Variants in SLA2 observed in about 807,000 individuals in gnomAD.
SLA2 encodes Src like adaptor 2.
A neutral mutation model predicts 27.3 loss-of-function variants in SLA2; 22 were observed. The ratio of observed to expected loss-of-function variants is 0.81; its 90% confidence interval spans 0.58 to 1.15. SLA2 has a LOEUF of 1.15. Among genes scored for constraint, SLA2 ranks in the 50% most tolerant of loss-of-function variants. The pLI, the probability that SLA2 is intolerant of heterozygous loss-of-function variation, is 0.00. For synonymous variants in SLA2, 131 were observed against 137.8 expected (o/e 0.95, Z 0.34); for missense variants, 304 against 322.2 (o/e 0.94, Z 0.43).
intron 5 of SLA2, among the ~76,000 whole-genome samples, chr20:36,631,450 G>A (rs755876227): frequency 2.6e-4 from 39 of 152,120 alleles, no homozygotes; most frequent in Admixed American, 2.0e-4. Context: ...CACAGTGCCC[G>A]GCCTGTATTA....
chr20:36,615,272 G>A lies in SLA2; in HGVS notation c.485C>T (p.Pro162Leu), dbSNP rs752611301. The A allele has an allele frequency of 2.4e-5, 38 of 1,613,972 alleles. No homozygotes were observed. Among genetic ancestry groups the A allele is most frequent in the Non-Finnish European group, 3.0e-5 (35 of 1,180,034 alleles). The stretch of plus-strand genomic sequence containing the variant: ...CTGGAGTGAGGGGAAGGTGAGGCGC[G>A]GTGAGATGTACAGCCAGCCATTGTC... ...CLDNGWLYISPRLTFPSLQAL... is the reference protein window; with the variant it reads ...CLDNGWLYISLRLTFPSLQAL... The change falls in exon 6 of 8, where the codon CCG becomes CTG. Residue 162 changes from proline to leucine, a missense_variant. By Grantham distance (98) the Pro-to-Leu change is moderately conservative (BLOSUM62 -3). Coordinates refer to ENST00000262866, the MANE Select transcript of SLA2 (RefSeq NM_032214.4).
intron 2 of SLA2, among the ~76,000 whole-genome samples, chr20:36,640,007 T>C (rs1045146045): frequency 6.6e-6 from 1 of 152,046 alleles, no homozygotes; most frequent in African/African-American, 2.4e-5. Flanking sequence ...TTTTCCACCA[T>C]TAAGACAGCC....
rs145594207 is a variant in SLA2 at position 36,622,562 on chromosome 20, A to G, written c.383-7188T>C. Among the ~76,000 whole-genome samples, 553 of 152,248 alleles carry G rather than the reference A, an allele frequency of 3.6e-3. 4 individuals carry two copies. Among genetic ancestry groups the G allele is most frequent in the African/African-American group, 0.012 (517 of 41,554 alleles). On this transcript the variant is annotated intron_variant, in intron 5 of 7. Transcript: ENST00000262866. Reference sequence around the variant, plus strand: ...ACAAATTATTATTTTACAGTTCTGGAGGTTAGAAGTCTGAAATGAGTTTCA... The same window carrying G: ...ACAAATTATTATTTTACAGTTCTGGGGGTTAGAAGTCTGAAATGAGTTTCA...
At chr20:36,622,937 A>G (rs563667313) in intron 5 of SLA2, among the ~76,000 whole-genome samples, 2 of 152,308 alleles carry the variant, frequency 1.3e-5, no homozygotes, top group East Asian at 1.9e-4. Context: ...GATTCTGCCT[A>G]CCACAGAAGA....
intron 5 of SLA2, chr20:36,621,360 TC>T (rs2039279966): frequency 1.1e-5 from 7 of 610,422 alleles, no homozygotes; most frequent in Non-Finnish European, 2.2e-5. Context: ...GCTCAGGCAG[TC>T]CCTATGGTGG....
chr20:36,622,549 T>A (rs1401763406), intron 5 of SLA2, among the ~76,000 whole-genome samples: 1 of 152,158 alleles, frequency 6.6e-6, no homozygotes, highest in Non-Finnish European at 1.5e-5. Flanking sequence ...AAATTATTAT[T>A]TTACAGTTCT....
At chr20:36,623,457 G>A (rs1600821328) in intron 5 of SLA2, among the ~76,000 whole-genome samples, 1 of 152,042 alleles carries the variant, frequency 6.6e-6, no homozygotes, top group East Asian at 1.9e-4. Context: ...TAATACAGCT[G>A]CCTTTACTTA....
intron 5 of SLA2, among the ~76,000 whole-genome samples, chr20:36,623,419 ATAAAT>A (rs1393328220): frequency 2.6e-5 from 4 of 152,168 alleles, no homozygotes; most frequent in Non-Finnish European, 5.9e-5. Flanking sequence ...CACAAGAAAA[ATAAAT>A]TTAAAGTATA....
intron 1 of SLA2, among the ~76,000 whole-genome samples, chr20:36,642,439 C>T (rs1006571851): frequency 2.0e-5 from 3 of 151,586 alleles, no homozygotes; most frequent in African/African-American, 4.8e-5. Context: ...GGTGTCACTC[C>T]GTCACCCAGG....
At position 36,612,489 on chromosome 20, in the gene SLA2, GCAT is replaced by G; in HGVS notation, c.*1374_*1376del. ...CGTGGTCCATAGCACAGTACATGCA[GCAT>G]CTAATAAGAGTTTCCATTGTAGAAT... On this transcript the variant is annotated 3_prime_UTR_variant, in exon 8 of 8. Transcript: ENST00000262866. 2.0e-6 allele frequency: 1 copy of G among 508,906 alleles called. No individual in the cohort carries two copies. The highest frequency in any genetic ancestry group is 3.5e-5 in the East Asian group (1 of 28,612). 31.5% of individuals were successfully genotyped at this position (508,906 alleles called of 1,614,324 possible).
At chr20:36,638,754 T>C (rs2039478028) in intron 2 of SLA2, among the ~76,000 whole-genome samples, 2 of 152,292 alleles carry the variant, frequency 1.3e-5, no homozygotes, top group Non-Finnish European at 2.9e-5. Flanking sequence ...TCTTGTTATC[T>C]GTGCTGGTTA....
intron 1 of SLA2, among the ~76,000 whole-genome samples, chr20:36,644,598 G>C (rs1202431157): frequency 6.6e-6 from 1 of 152,238 alleles, no homozygotes; most frequent in Non-Finnish European, 1.5e-5. Context: ...CCTCCCCAAA[G>C]TCTCTGCAGC....
chr20:36,642,757 G>T (rs993823960), intron 1 of SLA2, among the ~76,000 whole-genome samples: 1 of 152,072 alleles, frequency 6.6e-6, no homozygotes, highest in Admixed American at 6.6e-5. Context: ...GGCCGATTTT[G>T]TATTTTTAGT....
chr20:36,614,882 C>T, intron 6 of SLA2: 1 of 985,366 alleles, frequency 1.0e-6, no homozygotes, highest in Non-Finnish European at 1.2e-6. Context: ...CCAGGAAGTA[C>T]TAAGGAGAGT....
chr20:36,617,368 TAAAAA>T (rs1324309834), intron 5 of SLA2, among the ~76,000 whole-genome samples: 1 of 148,832 alleles, frequency 6.7e-6, no homozygotes, highest in East Asian at 2.0e-4. Context: ...CCATCTCAAT[TAAAAA>T]AATAAATAAA....
In SLA2 at chr20:36,632,682, GGCCCTCATACA is replaced by G; in HGVS notation, c.284_294del (p.Leu95ProfsTer56). 1 of 1,614,038 alleles carries G rather than the reference GGCCCTCATACA, an allele frequency of 6.2e-7. No individual in the cohort carries two copies. Among genetic ancestry groups the G allele is most frequent in the Non-Finnish European group, 8.5e-7 (1 of 1,179,984 alleles). ...AGTTCCTCTGCTTTCTCCCTGCTCA[GGCCCTCATACA>G]GCCACCTGGCGGAGCGAAAGAGAGG... On this transcript the variant is annotated frameshift_variant, in exon 5 of 8. Coordinates refer to ENST00000262866, the MANE Select transcript of SLA2 (RefSeq NM_032214.4). LOFTEE classifies it high-confidence loss of function.
At chr20:36,645,075 C>G (rs1023068789) in intron 1 of SLA2, among the ~76,000 whole-genome samples, 7 of 151,938 alleles carry the variant, frequency 4.6e-5, no homozygotes, top group East Asian at 1.9e-4. Flanking sequence ...CACAGTGGCT[C>G]ATGCCTGTAA....
intron 5 of SLA2, among the ~76,000 whole-genome samples, chr20:36,629,172 C>G (rs1344913372): frequency 2.0e-5 from 3 of 151,690 alleles, no homozygotes; most frequent in Admixed American, 6.6e-5. Flanking sequence ...AAGCAATTCT[C>G]TAGCCTTAGC....
At chr20:36,632,037 C>A (rs931550330) in intron 5 of SLA2, among the ~76,000 whole-genome samples, 1 of 152,170 alleles carries the variant, frequency 6.6e-6, no homozygotes, top group Non-Finnish European at 1.5e-5. Flanking sequence ...TACTTCTAAG[C>A]AGGTGGCCCA....
Sources: gnomAD v4.1 joint callset for allele counts (sites outside exome capture counted in the v4.1 genomes callset) on GRCh38, gnomAD v4.1.1 for gene constraint, MANE v1.5 for transcripts, NCBI Gene and HGNC (gene_info 2026-07-23, HGNC 2026-07-21) for gene names.